Variants in CHL1 observed in about 807,000 individuals in gnomAD.
CHL1 encodes the protein cell adhesion molecule L1 like.
A neutral mutation model predicts 141.9 loss-of-function variants in CHL1; 96 were observed. That is an observed-to-expected ratio of 0.68 (90% CI 0.57 to 0.80). The LOEUF (loss-of-function observed/expected upper bound fraction) is 0.80. CHL1 is among the 30% of genes least tolerant of loss of function. The pLI, the probability that CHL1 is intolerant of heterozygous loss-of-function variation, is 0.00. For missense variants in CHL1, 1,820 were observed against 1,457.2 expected (o/e 1.25, Z -4.05); for synonymous variants, 613 against 502.2 (o/e 1.22, Z -2.95).
Position 349,531 on chromosome 3 carries a change from G to C in CHL1, c.1021G>C (p.Val341Leu), listed in dbSNP as rs778570130. ...FLGTATHDFH[V>L]IVEEPPRWTK... ...GGGAACAGCCACTCACGATTTTCAC[G>C]TTATAGTAGAAGGTACCTTTCCCAT... The change falls in exon 10 of 28, where the codon GTT becomes CTT. Residue 341 changes from valine to leucine, a missense_variant. Transcript: ENST00000256509. The C allele has an allele frequency of 9.9e-6, 16 of 1,613,080 alleles. No homozygotes were observed. The highest frequency in any genetic ancestry group is 1.3e-5 in the Non-Finnish European group (15 of 1,179,576).
At chr3:349,273 C>G (rs539948405) in intron 9 of CHL1, 86 bp from the exon 10 acceptor site, 2 of 1,170,842 alleles carry the variant, frequency 1.7e-6, no homozygotes, top group East Asian at 2.6e-5. Context: ...TAAAAGCACC[C>G]TGATAAAGGA....
At chr3:361,337 G>T (rs13075652) in intron 12 of CHL1, among the ~76,000 whole-genome samples, 7 of 119,990 alleles carry the variant, frequency 5.8e-5, no homozygotes, top group African/African-American at 2.1e-4. Flanking sequence ...TAAAACACCA[G>T]AAGCAATGGC....
chr3:219,724 T>G (rs1700656814), intron 1 of CHL1, among the ~76,000 whole-genome samples: 1 of 152,028 alleles, frequency 6.6e-6, no homozygotes, highest in African/African-American at 2.4e-5. Flanking sequence ...AGGGAGAGGA[T>G]CAGAAAAATT....
chr3:273,328 C>T (rs992294761), intron 2 of CHL1, among the ~76,000 whole-genome samples: 2 of 152,132 alleles, frequency 1.3e-5, no homozygotes, highest in Non-Finnish European at 2.9e-5. Context: ...GTTTGCCCCA[C>T]CTGGACCAAA....
Position 349,668 on chromosome 3 carries a change from C to T in CHL1, c.1033+125C>T, listed in dbSNP as rs9878889. The T allele has an allele frequency of 5.1e-3, 4,005 of 783,824 alleles. 105 individuals carry two copies. In the African/African-American group the frequency reaches 0.061, roughly 12 times the overall value. 48.6% of individuals were successfully genotyped at this position (783,824 alleles called of 1,614,324 possible). On this transcript the variant is annotated intron_variant, in intron 10 of 27. Transcript: ENST00000256509. ...GCAGTTTCAACTTTTAATTGTAGTG[C>T]GGGCATTGAATTATATTACACTTCA... is the stretch of plus-strand genomic sequence containing the variant.
chr3:221,348 T>G (rs1341190584), intron 1 of CHL1, among the ~76,000 whole-genome samples: 3 of 152,216 alleles, frequency 2.0e-5, no homozygotes, highest in African/African-American at 7.2e-5. Flanking sequence ...AAATTAAGAC[T>G]ATAGTAATCA....
Position 340,856 on chromosome 3 carries a change from G to A in CHL1, c.448G>A (p.Val150Ile). 6.2e-7 allele frequency: 1 copy of A among 1,611,876 alleles called. No individual in the cohort carries two copies. The highest frequency in any genetic ancestry group is 8.5e-7 in the Non-Finnish European group (1 of 1,178,174). ...TGAAGTGGAGGAGGGAGATCCAATT[G>A]TCCTCCCATGCAATCCTCCCAAAGG... The part of the protein sequence containing the change: ...PLEVEEGDPI[V>I]LPCNPPKGLP... Residue 150 changes from valine (V) to isoleucine (I), a missense_variant, in exon 6 of 28, where the codon GTC (valine) becomes ATC (isoleucine). By Grantham distance (29) the Val-to-Ile change is conservative. Coordinates refer to ENST00000256509, the MANE Select transcript of CHL1 (RefSeq NM_006614.4).
intron 11 of CHL1, 104 bp downstream of exon 11, chr3:354,875 G>A: frequency 9.9e-6 from 14 of 1,412,290 alleles, no homozygotes; most frequent in Non-Finnish European, 1.4e-5. Context: ...GGTTGGATTA[G>A]CAGGACAGAT....
intron 2 of CHL1, among the ~76,000 whole-genome samples, chr3:313,153 T>A (rs1474479854): frequency 6.6e-6 from 1 of 152,166 alleles, no homozygotes; most frequent in Non-Finnish European, 1.5e-5. Context: ...TTCTGCTTTG[T>A]GTAGTTGCTG....
rs145003751 is a variant in CHL1, at chr3:325,821, G to A, written c.92-138G>A. 727 of 529,136 alleles carry A rather than the reference G, an allele frequency of 1.4e-3. 1 individual carries two copies. The highest frequency in any genetic ancestry group is 0.013 in the African/African-American group (672 of 50,848). 32.8% of individuals were successfully genotyped at this position (529,136 alleles called of 1,614,324 possible). Reference sequence around the variant, plus strand: ...TAAGTACATGTTGCAAAGAGAGAGTGAGATTTATTCTGATTTTCACTTTTG... The same window carrying A: ...TAAGTACATGTTGCAAAGAGAGAGTAAGATTTATTCTGATTTTCACTTTTG... On this transcript the variant is annotated intron_variant, in intron 3 of 27. Coordinates refer to ENST00000256509, the MANE Select transcript of CHL1 (RefSeq NM_006614.4).
intron 2 of CHL1, among the ~76,000 whole-genome samples, chr3:263,100 A>G (rs531689584): frequency 1.3e-5 from 2 of 152,184 alleles, no homozygotes; most frequent in South Asian, 2.1e-4. Context: ...TCTTCTGAAG[A>G]TTTCTCTGCT....
chr3:301,072 A>C (rs1050804463), intron 2 of CHL1, among the ~76,000 whole-genome samples: 1 of 152,196 alleles, frequency 6.6e-6, no homozygotes, highest in Non-Finnish European at 1.5e-5. Flanking sequence ...ATGACATGCC[A>C]TTGAAGGTTT....
intron 2 of CHL1, among the ~76,000 whole-genome samples, chr3:248,811 T>C (rs552967798): frequency 6.6e-6 from 1 of 152,278 alleles, no homozygotes; most frequent in South Asian, 2.1e-4. Context: ...TAAAAGATAC[T>C]GAAACCCAGC....
chr3:280,362 C>T (rs1209518946), intron 2 of CHL1, among the ~76,000 whole-genome samples: 4 of 151,988 alleles, frequency 2.6e-5, no homozygotes, highest in Non-Finnish European at 5.9e-5. Flanking sequence ...AATTGAACAT[C>T]AGTCTTCTTA....
intron 2 of CHL1, among the ~76,000 whole-genome samples, chr3:285,357 G>A (rs1468027790): frequency 6.6e-6 from 1 of 152,144 alleles, no homozygotes; most frequent in Non-Finnish European, 1.5e-5. Context: ...AATGCCAATG[G>A]CATTTAAAAG....
At chr3:343,544 T>A (rs1475003981) in intron 8 of CHL1, among the ~76,000 whole-genome samples, 2 of 152,212 alleles carry the variant, frequency 1.3e-5, no homozygotes, top group East Asian at 1.9e-4. Flanking sequence ...ATTTAATTCT[T>A]TCCCCCATAG....
chr3:342,206 G>GAAGAAGTCTCC, intron 7 of CHL1, 124 bp downstream of exon 7: 2 of 735,912 alleles, frequency 2.7e-6, no homozygotes, highest in Non-Finnish European at 4.2e-6. Context: ...TTCAACTCTG[G>GAAGAAGTCTCC]AGACTTCTTC....
intron 2 of CHL1, among the ~76,000 whole-genome samples, chr3:287,326 G>A (rs74890113): frequency 0.051 from 7,752 of 152,136 alleles, 277 homozygotes; most frequent in Non-Finnish European, 0.077. Context: ...TCTGTGCCAG[G>A]TACATGCAGA....
At chr3:274,698 T>G (rs1457845735) in intron 2 of CHL1, among the ~76,000 whole-genome samples, 1 of 152,230 alleles carries the variant, frequency 6.6e-6, no homozygotes, top group Non-Finnish European at 1.5e-5. Flanking sequence ...TTTACCATTT[T>G]CAGGAGCATC....
Sources: allele counts gnomAD v4.1 joint callset (sites outside exome capture counted in the v4.1 genomes callset), GRCh38; gene constraint gnomAD v4.1.1; transcripts MANE v1.5; gene names NCBI Gene and HGNC (gene_info 2026-07-23, HGNC 2026-07-21).